Variants in FAM78A observed in about 807,000 individuals in gnomAD.
FAM78A encodes the protein family with sequence similarity 78 member A.
In FAM78A, 12 loss-of-function variants were observed where a neutral mutation model predicts 22.6. The ratio of observed to expected loss-of-function variants is 0.53; its 90% confidence interval spans 0.34 to 0.86. The LOEUF (loss-of-function observed/expected upper bound fraction) is 0.86. Among genes scored for constraint, FAM78A ranks in the 40% least tolerant of loss-of-function variants. The probability of loss-of-function intolerance (pLI) is 0.02; values close to 1 mark genes in which losing one functional copy is unlikely to be tolerated. For missense variants in FAM78A, 322 were observed against 396.1 expected (o/e 0.81, Z 1.59); for synonymous variants, 151 against 155.8 (o/e 0.97, Z 0.23).
chr9:131,259,063 C>T lies in FAM78A; in HGVS notation c.*1759G>A, dbSNP rs1007371282. On this transcript the variant is annotated 3_prime_UTR_variant, in exon 2 of 2. Coordinates refer to ENST00000372271, the MANE Select transcript of FAM78A (RefSeq NM_033387.4). ...ACTTTGGTTCCCACACCGTCCCACG[C>T]TGTCACGGAGACTCTTACAAGTGGC... The T allele has an allele frequency of 2.0e-5, 3 of 152,716 alleles. No individual in the cohort carries two copies. Among genetic ancestry groups the T allele is most frequent in the Non-Finnish European group, 4.4e-5 (3 of 68,054 alleles). The allele number at this position is 152,716 out of a possible 1,614,324, so 9.5% of individuals were successfully genotyped here. A position where few individuals can be genotyped will look rare whatever the true frequency, so the allele number is the denominator to read the frequency against.
upstream of FAM78A, among the ~76,000 whole-genome samples, chr9:131,280,712 G>A (rs1319872461): frequency 1.3e-5 from 2 of 152,220 alleles, no homozygotes; most frequent in Non-Finnish European, 1.5e-5. Flanking sequence ...CAAGTCAGAA[G>A]TAGAAACAAC....
In FAM78A at chr9:131,264,498, C is replaced by T. The variant is rs994115614; in HGVS notation, c.324-3148G>A. The T allele has an allele frequency of 4.3e-6, 3 of 692,966 alleles. No individual in the cohort carries two copies. In the African/African-American group the frequency reaches 5.3e-5, roughly 12 times the overall value. 42.9% of individuals were successfully genotyped at this position (692,966 alleles called of 1,614,324 possible). A position where few individuals can be genotyped will look rare whatever the true frequency, so the allele number is the denominator to read the frequency against. On this transcript the variant is annotated intron_variant, in intron 1 of 1. Coordinates refer to ENST00000372271, the MANE Select transcript of FAM78A (RefSeq NM_033387.4). The stretch of plus-strand genomic sequence containing the variant: ...GTGGTCCAGTCACAGACGCGCTGAG[C>T]TCTACCAGCTCTTCAGCAGCCCACA...
At position 131,261,488 on chromosome 9, in the gene FAM78A, G is replaced by C. The variant is rs1835269155; in HGVS notation, c.324-138C>G. ...ACCACCCGGTCCCCTTTGACGTTCTGGGGGCAGGGGGTCAGACAGTAGCTC... is the reference window on the plus strand; with the variant it reads ...ACCACCCGGTCCCCTTTGACGTTCTCGGGGCAGGGGGTCAGACAGTAGCTC... On this transcript the variant is annotated intron_variant, in intron 1 of 1. Coordinates refer to ENST00000372271, the MANE Select transcript of FAM78A (RefSeq NM_033387.4). The surrounding 1 kb of genome is among the most constrained non-coding windows in gnomAD (Gnocchi z 7.1). 5 of 703,564 alleles carry C rather than the reference G, an allele frequency of 7.1e-6. No homozygotes were observed. Among genetic ancestry groups the C allele is most frequent in the Non-Finnish European group, 1.1e-5 (5 of 437,542 alleles). The allele number at this position is 703,564 out of a possible 1,614,324, so 43.6% of individuals were successfully genotyped here. A position where few individuals can be genotyped will look rare whatever the true frequency, so the allele number is the denominator to read the frequency against.
chr9:131,269,575 C>G (rs1216443132), intron 1 of FAM78A, among the ~76,000 whole-genome samples: 6 of 152,024 alleles, frequency 3.9e-5, no homozygotes, highest in Non-Finnish European at 7.4e-5. Context: ...CTCCCAGGTT[C>G]AAGCAATTCT....
At position 131,274,953 on chromosome 9, in the gene FAM78A, C is replaced by T. The variant is rs1020106312; in HGVS notation, c.323+904G>A. ...CCTAGCTCTCTCCAAAGGGTCCTTACGCTCAGAAACAGCTATTTTCACCAT... is the reference window on the plus strand; with the variant it reads ...CCTAGCTCTCTCCAAAGGGTCCTTATGCTCAGAAACAGCTATTTTCACCAT... On this transcript the variant is annotated intron_variant, in intron 1 of 1. Transcript: ENST00000372271. The surrounding 1 kb of genome is among the most constrained non-coding windows in gnomAD (Gnocchi z 4.2). Among the ~76,000 whole-genome samples, 4 of 152,226 alleles carry T rather than the reference C, an allele frequency of 2.6e-5. No individual in the cohort carries two copies. The highest frequency in any genetic ancestry group is 6.5e-5 in the Admixed American group (1 of 15,286).
At chr9:131,270,032 T>TTAAAAAAAAAA (rs1835396769) in intron 1 of FAM78A, among the ~76,000 whole-genome samples, 10 of 34,126 alleles carry the variant, frequency 2.9e-4, no homozygotes, top group African/African-American at 9.3e-4. Flanking sequence ...CCATCCCTAC[T>TTAAAAAAAAAA]AAAATAAAAA....
At chr9:131,278,142 TCCCTCGCTCC>T (rs982700345), upstream of FAM78A, among the ~76,000 whole-genome samples, 3 of 145,960 alleles carry the variant, frequency 2.1e-5, no homozygotes, top group Admixed American at 6.8e-5. Flanking sequence ...CCCCTGGTAA[TCCCTCGCTCC>T]CCCTCGCTCC....
rs1309558126 is a variant in FAM78A at position 131,272,454 on chromosome 9, G to A, written c.323+3403C>T. Among the ~76,000 whole-genome samples the A allele has an allele frequency of 1.3e-5, 2 of 152,218 alleles. No individual in the cohort carries two copies. The highest frequency in any genetic ancestry group is 2.9e-5 in the Non-Finnish European group (2 of 68,038). On this transcript the variant is annotated intron_variant, in intron 1 of 1. Transcript: ENST00000372271. This position sits in a 1 kb window ranked among gnomAD's most constrained non-coding sequence, Gnocchi z 4.1. Reference sequence around the variant, plus strand: ...GCTGCCCAGCCCCCTACCATGCACAGGACACCCCCCACCAGCACAGACAGA... The same window carrying A: ...GCTGCCCAGCCCCCTACCATGCACAAGACACCCCCCACCAGCACAGACAGA...
chr9:131,277,951 C>T (rs984592488), upstream of FAM78A, among the ~76,000 whole-genome samples: 7 of 147,538 alleles, frequency 4.7e-5, no homozygotes, highest in Non-Finnish European at 9.0e-5. The surrounding 1 kb of genome is among the most constrained non-coding windows in gnomAD (Gnocchi z 8.4). Flanking sequence ...GCCCGGCCCC[C>T]GCGTCCGCTC....
In FAM78A at chr9:131,267,358, CT is replaced by C. The variant is rs1464319583; in HGVS notation, c.324-6009del. On this transcript the variant is annotated intron_variant, in intron 1 of 1. Coordinates refer to ENST00000372271, the MANE Select transcript of FAM78A (RefSeq NM_033387.4). ...AGCCAGGGCATCAAAGCAAGAGACC[CT>C]CGCCTGTACGAAAAACTTAAAAATT... is the stretch of plus-strand genomic sequence containing the variant. Among the ~76,000 whole-genome samples, 3 of 152,248 alleles carry C rather than the reference CT, an allele frequency of 2.0e-5. No homozygotes were observed. The East Asian group carries it at 5.8e-4, about 29-fold the overall frequency.
At position 131,275,784 on chromosome 9, in the gene FAM78A, C is replaced by T; in HGVS notation, c.323+73G>A. Reference sequence around the variant, plus strand: ...ATGGTATCTCCACCTTCCCCCTATCCGCGGCCCCCCACCAGGCCTCCAAGC... The same window carrying T: ...ATGGTATCTCCACCTTCCCCCTATCTGCGGCCCCCCACCAGGCCTCCAAGC... On this transcript the variant is annotated intron_variant, in intron 1 of 1. Coordinates refer to ENST00000372271, the MANE Select transcript of FAM78A (RefSeq NM_033387.4). The surrounding 1 kb of genome is among the most constrained non-coding windows in gnomAD (Gnocchi z 4.6). 2 of 1,463,422 alleles carry T rather than the reference C, an allele frequency of 1.4e-6. No homozygotes were observed. Among genetic ancestry groups the T allele is most frequent in the Non-Finnish European group, 1.8e-6 (2 of 1,089,838 alleles). 90.7% of individuals were successfully genotyped at this position (1,463,422 alleles called of 1,614,324 possible).
At chr9:131,270,646 A>G in intron 1 of FAM78A, 2 of 616,764 alleles carry the variant, frequency 3.2e-6, no homozygotes, top group Non-Finnish European at 6.0e-6. Flanking sequence ...GCCAGGGCCC[A>G]GCAGATGGGG....
Position 131,259,621 on chromosome 9 carries a change from C to T in FAM78A, c.*1201G>A, listed in dbSNP as rs140474432. ...GGCCTGGGAGGGGCGCCCCTGAGAA[C>T]GAGCCCTGTCTTGGCCCTTTTACAG... On this transcript the variant is annotated 3_prime_UTR_variant, in exon 2 of 2. Coordinates refer to ENST00000372271, the MANE Select transcript of FAM78A (RefSeq NM_033387.4). 3.5e-3 allele frequency: 534 copies of T among 152,620 alleles called. 15 individuals carry two copies. Among genetic ancestry groups the T allele is most frequent in the East Asian group, 3.9e-3 (20 of 5,188 alleles). 9.5% of individuals were successfully genotyped at this position (152,620 alleles called of 1,614,324 possible). A position where few individuals can be genotyped will look rare whatever the true frequency, so the allele number is the denominator to read the frequency against.
Position 131,261,381 on chromosome 9 carries a change from C to T in FAM78A, c.324-31G>A, listed in dbSNP as rs543712654. 109 of 1,531,468 alleles carry T rather than the reference C, an allele frequency of 7.1e-5. 1 individual carries two copies. Among genetic ancestry groups the T allele is most frequent in the Middle Eastern group, 5.3e-4 (3 of 5,692 alleles). 94.9% of individuals were successfully genotyped at this position (1,531,468 alleles called of 1,614,324 possible). The stretch of plus-strand genomic sequence containing the variant: ...GACAAGGAAGGCCAGTTCACTCACT[C>T]GGTCACTCAAGGAGGGCTTTCTGTG... On this transcript the variant is annotated intron_variant, in intron 1 of 1. Coordinates refer to ENST00000372271, the MANE Select transcript of FAM78A (RefSeq NM_033387.4). This position sits in a 1 kb window ranked among gnomAD's most constrained non-coding sequence, Gnocchi z 7.1.
intron 1 of FAM78A, among the ~76,000 whole-genome samples, chr9:131,273,698 T>C (rs755009749): frequency 6.6e-6 from 1 of 152,166 alleles, no homozygotes; most frequent in Non-Finnish European, 1.5e-5. Flanking sequence ...TCACATCTGA[T>C]AGAATAACAG....
Position 131,265,304 on chromosome 9 carries a change from G to A in FAM78A, c.324-3954C>T, listed in dbSNP as rs929253282. ...GAGTTTCACTCTTCCTGGCCAGGCC[G>A]GAGTGCAATGGCATGATCTCAGCTC... is the stretch of plus-strand genomic sequence containing the variant. On this transcript the variant is annotated intron_variant, in intron 1 of 1. Transcript: ENST00000372271. This position sits in a 1 kb window ranked among gnomAD's most constrained non-coding sequence, Gnocchi z 4.3. Among the ~76,000 whole-genome samples, 9 of 152,090 alleles carry A rather than the reference G, an allele frequency of 5.9e-5. No individual in the cohort carries two copies. The highest frequency in any genetic ancestry group is 1.2e-4 in the Non-Finnish European group (8 of 68,012).
upstream of FAM78A, among the ~76,000 whole-genome samples, chr9:131,278,237 A>T (rs893275518): frequency 6.6e-6 from 1 of 151,874 alleles, no homozygotes; most frequent in African/African-American, 2.4e-5. Context: ...AGCCCCGGGA[A>T]TTCTGGGTAG....
chr9:131,267,512 C>T (rs1444436871), intron 1 of FAM78A, among the ~76,000 whole-genome samples: 2 of 152,088 alleles, frequency 1.3e-5, no homozygotes, highest in Non-Finnish European at 2.9e-5. Flanking sequence ...CCAGCCTGGA[C>T]AACAGAGTGA....
upstream of FAM78A, among the ~76,000 whole-genome samples, chr9:131,277,499 G>A (rs2131200612): frequency 6.6e-6 from 1 of 152,002 alleles, no homozygotes; most frequent in African/African-American, 2.4e-5. This position sits in a 1 kb window ranked among gnomAD's most constrained non-coding sequence, Gnocchi z 8.4. Context: ...CGCCGCTGCC[G>A]GGGAACTTTG....
Sources: gnomAD v4.1 joint callset for allele counts (sites outside exome capture counted in the v4.1 genomes callset) on GRCh38, gnomAD v4.1.1 for gene constraint, Gnocchi (gnomAD v3.1) non-coding constraint, MANE v1.5 for transcripts, NCBI Gene and HGNC (gene_info 2026-07-23, HGNC 2026-07-21) for gene names.